Variants in DSCAM observed in about 807,000 individuals in gnomAD.
The protein encoded by DSCAM is cell adhesion molecule DSCAM.
DSCAM carries 47 observed loss-of-function variants against 217.7 expected under a neutral mutation model. The ratio of observed to expected loss-of-function variants is 0.22; its 90% CI spans 0.17 to 0.28. The LOEUF is 0.28. Ranked by LOEUF, DSCAM falls within the 10% of genes least tolerant of loss-of-function variation. DSCAM has a pLI of 1.00. For synonymous variants in DSCAM, 1,056 were observed against 1,015.3 expected (o/e 1.04, Z -0.76); for missense variants, 2,080 against 2,618.3 (o/e 0.79, Z 4.49).
intron 28 of DSCAM, among the ~76,000 whole-genome samples, chr21:40,060,934 CAT>C (rs1299015354): frequency 6.6e-6 from 1 of 152,096 alleles, no homozygotes; most frequent in Non-Finnish European, 1.5e-5. Context: ...ATAAATGTCA[CAT>C]AAACAAAAAG....
At chr21:40,526,577 G>A (rs975476074) in intron 3 of DSCAM, among the ~76,000 whole-genome samples, 1 of 152,054 alleles carries the variant, frequency 6.6e-6, no homozygotes, top group African/African-American at 2.4e-5. Context: ...GTGAGGCCGG[G>A]GGGTGGGATT....
chr21:40,036,865 C>T (rs1488093367), intron 32 of DSCAM, among the ~76,000 whole-genome samples: 16 of 149,948 alleles, frequency 1.1e-4, no homozygotes, highest in Admixed American at 1.1e-3. Context: ...GTTCAATATA[C>T]ACATATCAAT....
At chr21:40,749,446 C>T (rs1439669824) in intron 1 of DSCAM, among the ~76,000 whole-genome samples, 1 of 152,130 alleles carries the variant, frequency 6.6e-6, no homozygotes, top group East Asian at 1.9e-4. Flanking sequence ...GGAAGACATA[C>T]AAATGGCCAA....
intron 3 of DSCAM, among the ~76,000 whole-genome samples, chr21:40,467,095 G>A (rs2075851378): frequency 6.6e-6 from 1 of 152,120 alleles, no homozygotes; most frequent in African/African-American, 2.4e-5. Flanking sequence ...CCACCAGAGG[G>A]CTCCCAGATT....
At chr21:40,572,112 GTGTGTT>G (rs1285798809) in intron 3 of DSCAM, among the ~76,000 whole-genome samples, 38 of 143,372 alleles carry the variant, frequency 2.7e-4, no homozygotes, top group Middle Eastern at 3.6e-3. Context: ...GTGTGTGTGT[GTGTGTT>G]TGTGTGTACA....
intron 1 of DSCAM, among the ~76,000 whole-genome samples, chr21:40,822,925 G>A (rs564230197): frequency 6.6e-5 from 10 of 152,216 alleles, no homozygotes; most frequent in African/African-American, 9.6e-5. Context: ...CGAGGCGGGC[G>A]GATCACTTGA....
chr21:40,690,319 T>C (rs1464746756), intron 3 of DSCAM, among the ~76,000 whole-genome samples: 5 of 152,178 alleles, frequency 3.3e-5, no homozygotes, highest in Non-Finnish European at 1.5e-5. Context: ...GCCACTGCTT[T>C]GGGGCCTTGT....
intron 3 of DSCAM, among the ~76,000 whole-genome samples, chr21:40,428,112 T>G (rs960074660): frequency 6.6e-5 from 10 of 152,192 alleles, no homozygotes; most frequent in Non-Finnish European, 5.9e-5. Flanking sequence ...AAATTTAGGC[T>G]TGGCATGTTC....
At chr21:40,053,671 A>G (rs1165110236) in intron 29 of DSCAM, among the ~76,000 whole-genome samples, 2 of 152,222 alleles carry the variant, frequency 1.3e-5, no homozygotes, top group Non-Finnish European at 2.9e-5. Flanking sequence ...AGAAAATGCC[A>G]TCGACCCATT....
chr21:40,276,973 A>ATT (rs1491290297), intron 10 of DSCAM, among the ~76,000 whole-genome samples: 5 of 121,914 alleles, frequency 4.1e-5, no homozygotes, highest in Admixed American at 2.3e-4. Context: ...ACAACTGGGT[A>ATT]AAAAAAAAAA....
chr21:40,175,811 A>ACGCACG lies in DSCAM; in HGVS notation c.2947+3115_2947+3116insCGTGCG, dbSNP rs112452108. 4.7e-3 allele frequency among the ~76,000 whole-genome samples: 594 copies of ACGCACG among 127,562 alleles called. 2 individuals are homozygous for ACGCACG. The highest frequency in any genetic ancestry group is 0.012 in the Middle Eastern group (3 of 252). The allele number at this position is 127,562 out of a possible 152,430, so 83.7% of individuals were successfully genotyped here. A position where few individuals can be genotyped will look rare whatever the true frequency, so the allele number is the denominator to read the frequency against. ...CACACACACACACACACACACACGCACACACACACACACGCACACACACAT... is the reference window on the plus strand; with the variant it reads ...CACACACACACACACACACACACGCACGCACGCACACACACACACGCACACACACAT... On this transcript the variant is annotated intron_variant, in intron 15 of 32. Transcript: ENST00000400454.
intron 1 of DSCAM, among the ~76,000 whole-genome samples, chr21:40,778,749 G>T (rs1004910735): frequency 3.3e-5 from 5 of 152,138 alleles, no homozygotes; most frequent in African/African-American, 9.7e-5. Flanking sequence ...TGTGGGCCGG[G>T]CATGGTGGCT....
At chr21:40,052,537 C>T (rs139057634) in intron 29 of DSCAM, among the ~76,000 whole-genome samples, 1 of 152,278 alleles carries the variant, frequency 6.6e-6, no homozygotes, top group Admixed American at 6.5e-5. Flanking sequence ...GCTCTGTTTG[C>T]AGGACTAGAA....
At chr21:40,183,117 C>CT (rs2090854628) in intron 14 of DSCAM, among the ~76,000 whole-genome samples, 1 of 68,768 alleles carries the variant, frequency 1.5e-5, no homozygotes, top group East Asian at 3.0e-4. Context: ...CCAGAGAAAC[C>CT]GTGGACAGGA....
chr21:40,798,788 G>A (rs369335246), intron 1 of DSCAM, among the ~76,000 whole-genome samples: 4 of 152,046 alleles, frequency 2.6e-5, no homozygotes, highest in African/African-American at 9.7e-5. Context: ...TACAAGAGTT[G>A]CTTTTTTGTG....
intron 3 of DSCAM, among the ~76,000 whole-genome samples, chr21:40,525,420 C>A (rs1019020599): frequency 6.6e-6 from 1 of 152,040 alleles, no homozygotes; most frequent in Non-Finnish European, 1.5e-5. Flanking sequence ...TGTGTGAGGG[C>A]CCTGTAAGCA....
intron 1 of DSCAM, among the ~76,000 whole-genome samples, chr21:40,733,513 C>T (rs972218532): frequency 6.6e-6 from 1 of 152,166 alleles, no homozygotes; most frequent in African/African-American, 2.4e-5. Context: ...GGCCAAACAT[C>T]CCACTGTGTG....
At chr21:40,064,674 T>C (rs7276767) in intron 27 of DSCAM, among the ~76,000 whole-genome samples, 115,867 of 152,112 alleles carry the variant, frequency 0.76, 44,506 homozygotes, top group East Asian at 0.9. Flanking sequence ...TTGCCATGAA[T>C]GGGCAGTGTG....
At chr21:40,277,582 G>A (rs562586191) in intron 10 of DSCAM, among the ~76,000 whole-genome samples, 13 of 152,142 alleles carry the variant, frequency 8.5e-5, no homozygotes, top group African/African-American at 3.1e-4. Flanking sequence ...CCCCACAACA[G>A]GTGGTTCCCA....
Sources: gnomAD v4.1 joint callset for allele counts (sites outside exome capture counted in the v4.1 genomes callset) on GRCh38, gnomAD v4.1.1 for gene constraint, MANE v1.5 for transcripts, NCBI Gene and HGNC (gene_info 2026-07-23, HGNC 2026-07-21) for gene names.